The following JAZF1 variants were observed in gnomAD, a reference collection of about 807,000 sequenced individuals.
JAZF1 encodes the protein juxtaposed with another zinc finger protein 1.
A neutral mutation model predicts 26.4 loss-of-function variants in JAZF1; 8 were observed. The ratio of observed to expected loss-of-function variants is 0.30; its 90% confidence interval spans 0.18 to 0.55. The LOEUF is 0.55. JAZF1 is among the 20% of genes least tolerant of loss of function. JAZF1 has a pLI of 0.94. For missense variants in JAZF1, 199 were observed against 322.0 expected (o/e 0.62, Z 2.92); for synonymous variants, 126 against 122.3 (o/e 1.03, Z -0.20).
At chr7:27,905,423 ATTTC>A (rs1234181544) in intron 2 of JAZF1, among the ~76,000 whole-genome samples, 36 of 119,376 alleles carry the variant, frequency 3.0e-4, no homozygotes, top group Admixed American at 3.0e-3. Context: ...CTAGATGTTC[ATTTC>A]TTTCTTTCTT....
intron 4 of JAZF1, among the ~76,000 whole-genome samples, chr7:27,839,112 GGA>G (rs1306911515): frequency 1.3e-5 from 2 of 152,252 alleles, no homozygotes; most frequent in Non-Finnish European, 2.9e-5. Flanking sequence ...GCTGGAGGTG[GGA>G]GAGAGGGGAT....
intron 2 of JAZF1, among the ~76,000 whole-genome samples, chr7:27,938,524 A>G (rs559692228): frequency 3.9e-5 from 6 of 152,326 alleles, no homozygotes; most frequent in South Asian, 4.1e-4. Context: ...TGGGCAAGGT[A>G]CTTATCTCTG....
chr7:27,963,404 A>T (rs7795759), intron 2 of JAZF1, among the ~76,000 whole-genome samples: 1,935 of 152,328 alleles, frequency 0.013, 45 homozygotes, highest in African/African-American at 0.045. Flanking sequence ...TCCAAATTCA[A>T]AATTGCCATG....
Position 28,040,394 on chromosome 7 carries a change from G to A in JAZF1, c.116-48413C>T, listed in dbSNP as rs1448805105. Among the ~76,000 whole-genome samples the A allele has an allele frequency of 5.3e-5, 8 of 152,266 alleles. No individual in the cohort carries two copies. The East Asian group carries it at 7.7e-4, about 15-fold the overall frequency. On this transcript the variant is annotated intron_variant, in intron 1 of 4. Transcript: ENST00000283928. ...AACAACAAATATGTAAGAAAATATCGAAGAGAGATGAGTACTATAAAGAAA... is the reference window on the plus strand; with the variant it reads ...AACAACAAATATGTAAGAAAATATCAAAGAGAGATGAGTACTATAAAGAAA...
At chr7:28,136,053 T>C (rs1265945424) in intron 1 of JAZF1, among the ~76,000 whole-genome samples, 1 of 152,228 alleles carries the variant, frequency 6.6e-6, no homozygotes, top group African/African-American at 2.4e-5. Flanking sequence ...TCTTCTGAAA[T>C]GTATGGATAG....
intron 2 of JAZF1, among the ~76,000 whole-genome samples, chr7:27,919,831 A>G (rs1015718231): frequency 5.9e-5 from 9 of 152,246 alleles, no homozygotes; most frequent in African/African-American, 2.2e-4. Flanking sequence ...AACTGGCTCT[A>G]AATCTAAATA....
At chr7:27,886,907 A>T (rs1783876733) in intron 3 of JAZF1, among the ~76,000 whole-genome samples, 1 of 152,240 alleles carries the variant, frequency 6.6e-6, no homozygotes, top group Admixed American at 6.5e-5. Context: ...ACACCATGGC[A>T]TACTATGCAG....
intron 1 of JAZF1, among the ~76,000 whole-genome samples, chr7:28,089,999 A>G (rs1784268845): frequency 6.6e-6 from 1 of 152,238 alleles, no homozygotes; most frequent in Admixed American, 6.5e-5. Context: ...AAGTCCATGT[A>G]AGATTTGGGT....
chr7:28,151,343 G>T (rs1261239296), intron 1 of JAZF1, among the ~76,000 whole-genome samples: 1 of 151,894 alleles, frequency 6.6e-6, no homozygotes, highest in African/African-American at 2.4e-5. Context: ...GACCACAAGT[G>T]ATCTGCCCGC....
chr7:27,982,236 G>T (rs747300426), intron 2 of JAZF1, among the ~76,000 whole-genome samples: 5 of 152,072 alleles, frequency 3.3e-5, no homozygotes, highest in Admixed American at 6.6e-5. Flanking sequence ...CTGGAAAATC[G>T]GGACACTCCC....
At chr7:27,889,746 A>C (rs1464361485) in intron 3 of JAZF1, among the ~76,000 whole-genome samples, 2 of 152,174 alleles carry the variant, frequency 1.3e-5, no homozygotes, top group East Asian at 3.9e-4. Context: ...AGCCTGGCCA[A>C]TATGGCAAAA....
intron 2 of JAZF1, among the ~76,000 whole-genome samples, chr7:27,946,475 G>GA (rs1280786918): frequency 1.3e-5 from 2 of 152,118 alleles, no homozygotes; most frequent in Non-Finnish European, 1.5e-5. Context: ...AATTCTCCTG[G>GA]AAAAAACATC....
chr7:28,046,176 T>C (rs1783493220), intron 1 of JAZF1, among the ~76,000 whole-genome samples: 2 of 152,194 alleles, frequency 1.3e-5, no homozygotes, highest in African/African-American at 4.8e-5. Context: ...ACAGGAATTA[T>C]TTCTTTAGTT....
intron 1 of JAZF1, among the ~76,000 whole-genome samples, chr7:28,084,064 AC>A (rs1188821516): frequency 1.3e-5 from 2 of 152,142 alleles, no homozygotes; most frequent in Admixed American, 1.3e-4. Flanking sequence ...TTCAGGCATT[AC>A]AAACAATACT....
intron 2 of JAZF1, among the ~76,000 whole-genome samples, chr7:27,984,167 A>G (rs1785648049): frequency 6.6e-6 from 1 of 152,240 alleles, no homozygotes; most frequent in South Asian, 2.1e-4. Context: ...AATTGGATTA[A>G]AAGTCAAGAC....
In JAZF1 at chr7:28,142,222, T is replaced by TTCC. The variant is rs1320410914; in HGVS notation, c.115+38238_115+38240dup. ...ACATCATCTGGGGAGCTCAGTGAAATTCCTGGACCTCATCCTCAGAGACTC... is the reference window on the plus strand; with the variant it reads ...ACATCATCTGGGGAGCTCAGTGAAATTCCTCCTGGACCTCATCCTCAGAGACTC... On this transcript the variant is annotated intron_variant, in intron 1 of 4. Coordinates refer to ENST00000283928, the MANE Select transcript of JAZF1 (RefSeq NM_175061.4). Among the ~76,000 whole-genome samples the TTCC allele has an allele frequency of 2.6e-5, 4 of 152,272 alleles. No homozygotes were observed. The East Asian group carries it at 7.7e-4, about 29-fold the overall frequency.
intron 1 of JAZF1, among the ~76,000 whole-genome samples, chr7:28,108,978 T>C (rs998678842): frequency 1.3e-5 from 2 of 152,184 alleles, no homozygotes; most frequent in Non-Finnish European, 2.9e-5. Flanking sequence ...ATCTCACTTA[T>C]ATGTGGGAAC....
chr7:27,982,899 C>T (rs1355840642), intron 2 of JAZF1, among the ~76,000 whole-genome samples: 1 of 152,136 alleles, frequency 6.6e-6, no homozygotes, highest in Admixed American at 6.5e-5. Context: ...AGAAGGAAAA[C>T]TAACAAACAG....
chr7:28,104,513 T>C (rs1012368138), intron 1 of JAZF1, among the ~76,000 whole-genome samples: 2 of 152,260 alleles, frequency 1.3e-5, no homozygotes, highest in African/African-American at 4.8e-5. Context: ...ATAAGGAATG[T>C]AAATGTAACT....
Sources: gnomAD v4.1 joint callset for allele counts (sites outside exome capture counted in the v4.1 genomes callset) on GRCh38, gnomAD v4.1.1 for gene constraint, MANE v1.5 for transcripts, NCBI Gene and HGNC (gene_info 2026-07-23, HGNC 2026-07-21) for gene names.